The following FSD2 variants were observed in gnomAD, a reference collection of about 807,000 sequenced individuals.
FSD2 encodes fibronectin type III and SPRY domain-containing protein 2.
A neutral mutation model predicts 80.4 loss-of-function variants in FSD2; 71 were observed. The ratio of observed to expected loss-of-function variants is 0.88; its 90% CI spans 0.73 to 1.08. FSD2 has a LOEUF of 1.08. Among genes scored for constraint, FSD2 ranks in the 50% least tolerant of loss-of-function variants. The pLI is 0.00. For missense variants in FSD2, 923 were observed against 913.8 expected, an observed-to-expected ratio of 1.01 and a Z score of -0.13; for synonymous variants, 361 against 329.5, an observed-to-expected ratio of 1.10 and a Z score of -1.03.
At chr15:82,802,976 G>A (rs1566985479) in intron 1 of FSD2, among the ~76,000 whole-genome samples, 1 of 152,118 alleles carries the variant, frequency 6.6e-6, no homozygotes, top group Admixed American at 6.5e-5. Context: ...GGGTTGGTGA[G>A]GTGTGAATTC....
rs754346462 is a variant in FSD2 at position 82,765,279 on chromosome 15, G to T, written c.1707C>A (p.Asn569Lys). Residue 569 changes from asparagine to lysine, a missense_variant, in exon 11 of 13, where the codon AAC becomes AAA. Coordinates refer to ENST00000334574, the MANE Select transcript of FSD2 (RefSeq NM_001007122.4). ...TCAGCCAGGGATGGCAAGTGTCCTT[G>T]TTTAGGCGAAAGTAGCTTCCTGTGG... ...VHTIGSYFRL[N>K]KDTCHPWLTI... The T allele has an allele frequency of 4.4e-5, 71 of 1,613,134 alleles. No homozygotes were observed. The Admixed American group carries it at 1.2e-3, about 27-fold the overall frequency.
intron 4 of FSD2, among the ~76,000 whole-genome samples, chr15:82,782,104 T>TAATAATAATAAAAAAAAA (rs749972634): frequency 8.4e-6 from 1 of 118,906 alleles, no homozygotes; most frequent in African/African-American, 3.1e-5. Flanking sequence ...ATAATAATAA[T>TAATAATAATAAAAAAAAA]AAAACTCTTG....
intron 1 of FSD2, among the ~76,000 whole-genome samples, chr15:82,800,815 C>G (rs2050395663): frequency 6.6e-6 from 1 of 151,366 alleles, no homozygotes; most frequent in Non-Finnish European, 1.5e-5. Flanking sequence ...TTTCGGGGGT[C>G]TAGGGACTTC....
At position 82,762,188 on chromosome 15, in the gene FSD2, A is replaced by G; in HGVS notation, c.1911T>C (p.Gly637=). Residue 637 remains glycine, a synonymous_variant, in exon 12 of 13, where the codon GGT becomes GGC. Transcript: ENST00000334574. The part of the protein sequence containing the change: ...EVDEHLDYRV[G]VAFADVRKQE... ...GTTTACGGACATCTGCAAAGGCCAC[A>G]CCAACTCTGTAGTCCAAATGCTCAT... 1 of 1,613,816 alleles carries G rather than the reference A, an allele frequency of 6.2e-7. No homozygotes were observed. The highest frequency in any genetic ancestry group is 8.5e-7 in the Non-Finnish European group (1 of 1,179,812).
intron 11 of FSD2, among the ~76,000 whole-genome samples, chr15:82,762,582 A>G (rs2049317621): frequency 6.6e-6 from 1 of 152,232 alleles, no homozygotes; most frequent in African/African-American, 2.4e-5. Flanking sequence ...TCACTTGTTC[A>G]TAAAAAAAGA....
intron 1 of FSD2, among the ~76,000 whole-genome samples, chr15:82,797,341 G>A (rs2050300455): frequency 4.6e-5 from 7 of 152,202 alleles, no homozygotes; most frequent in Admixed American, 4.6e-4. Context: ...TGATTACGTA[G>A]CTAAGCAAGG....
Position 82,768,252 on chromosome 15 carries a change from C to T in FSD2, c.1553+628G>A, listed in dbSNP as rs1043591237. On this transcript the variant is annotated intron_variant, in intron 9 of 12. Transcript: ENST00000334574. Reference sequence around the variant, plus strand: ...TTCTAGCTAGGTGGGTCTTTTAGTTCCTCCAGCAGCTCACTCCTGCCCCAG... The same window carrying T: ...TTCTAGCTAGGTGGGTCTTTTAGTTTCTCCAGCAGCTCACTCCTGCCCCAG... 3.9e-5 allele frequency among the ~76,000 whole-genome samples: 6 copies of T among 152,318 alleles called. 1 individual carries two copies. In the South Asian group the frequency reaches 1.2e-3, roughly 32 times the overall value.
At chr15:82,800,553 G>C (rs1361238315) in intron 1 of FSD2, among the ~76,000 whole-genome samples, 2 of 151,802 alleles carry the variant, frequency 1.3e-5, no homozygotes, top group African/African-American at 4.8e-5. Context: ...TTAGCTGGGC[G>C]TCGTGGTGGG....
chr15:82,770,496 C>T (rs956283199), intron 7 of FSD2, among the ~76,000 whole-genome samples: 1 of 152,146 alleles, frequency 6.6e-6, no homozygotes, highest in Non-Finnish European at 1.5e-5. Flanking sequence ...ACAGTGAAAC[C>T]TCATCTCTAC....
Position 82,765,944 on chromosome 15 carries a change from CA to C in FSD2, c.1640del (p.Met547ArgfsTer6), listed in dbSNP as rs781289235. 1.1e-5 allele frequency: 18 copies of C among 1,609,214 alleles called. No homozygotes were observed. The East Asian group carries it at 4.0e-4, about 36-fold the overall frequency. On this transcript the variant is annotated frameshift_variant, in exon 10 of 13. Coordinates refer to ENST00000334574, the MANE Select transcript of FSD2 (RefSeq NM_001007122.4). LOFTEE classifies it high-confidence loss of function. ...SYIIYVRALN[M>X]GGPSVRSEPA... ...GCTCGCTCCTCACGCTGGGGCCCCCCATATTGAGGGCTCGCACATAGATAAT... is the reference window on the plus strand; with the variant it reads ...GCTCGCTCCTCACGCTGGGGCCCCCCTATTGAGGGCTCGCACATAGATAAT...
intron 6 of FSD2, among the ~76,000 whole-genome samples, chr15:82,775,271 G>A (rs1045023612): frequency 2.6e-5 from 4 of 151,778 alleles, no homozygotes; most frequent in Non-Finnish European, 5.9e-5. Context: ...GGTAGCGGGT[G>A]CCTGTAATCC....
Position 82,787,007 on chromosome 15 carries a change from C to T in FSD2, c.384G>A (p.Glu128=). 1 of 1,614,012 alleles carries T rather than the reference C, an allele frequency of 6.2e-7. No homozygotes were observed. ...ACCCTCCGAAGCCCAGGTCCTCGGC[C>T]TCCGCTGCCTCTCCACTAAGTCTCC... ...RDWRLSGEAA[E]AEDLGFGGWG... is the part of the protein sequence containing the mutation. Residue 128 remains glutamate, a synonymous_variant, in exon 2 of 13, where the codon GAG becomes GAA. Transcript: ENST00000334574.
chr15:82,789,650 T>G (rs1271464029), intron 1 of FSD2, among the ~76,000 whole-genome samples: 4 of 152,022 alleles, frequency 2.6e-5, no homozygotes, highest in Non-Finnish European at 5.9e-5. Context: ...CTACAGGGAG[T>G]GTAATTGACT....
intron 9 of FSD2, among the ~76,000 whole-genome samples, chr15:82,767,519 C>T (rs1015499051): frequency 2.0e-5 from 3 of 152,180 alleles, no homozygotes; most frequent in Non-Finnish European, 4.4e-5. Flanking sequence ...AGCAATGGGT[C>T]GCCATGATTG....
At chr15:82,785,560 G>A (rs1596251442) in intron 3 of FSD2, among the ~76,000 whole-genome samples, 1 of 152,062 alleles carries the variant, frequency 6.6e-6, no homozygotes, top group African/African-American at 2.4e-5. Flanking sequence ...CTAACCTCAG[G>A]TGATCCACCC....
chr15:82,765,939 C>G lies in FSD2; in HGVS notation c.1646G>C (p.Gly549Ala). 6.2e-7 allele frequency: 1 copy of G among 1,609,372 alleles called. No individual in the cohort carries two copies. Among genetic ancestry groups the G allele is most frequent in the Non-Finnish European group, 8.5e-7 (1 of 1,178,584 alleles). The change falls in exon 10 of 13, where the codon GGC becomes GCC. Residue 549 changes from glycine to alanine, a missense_variant. Physicochemically the swap from Gly to Ala is moderately conservative, Grantham distance 60. Coordinates refer to ENST00000334574, the MANE Select transcript of FSD2 (RefSeq NM_001007122.4). ...IIYVRALNMG[G>A]PSVRSEPATV... ...AGCTGGCTCGCTCCTCACGCTGGGGCCCCCCATATTGAGGGCTCGCACATA... is the reference window on the plus strand; with the variant it reads ...AGCTGGCTCGCTCCTCACGCTGGGGGCCCCCATATTGAGGGCTCGCACATA...
chr15:82,790,645 G>T (rs1052959611), intron 1 of FSD2, among the ~76,000 whole-genome samples: 3 of 150,842 alleles, frequency 2.0e-5, no homozygotes, highest in African/African-American at 7.3e-5. Flanking sequence ...GCGCGATCTC[G>T]GCTCACTGCA....
intron 12 of FSD2, among the ~76,000 whole-genome samples, chr15:82,760,579 C>T (rs541382015): frequency 1.3e-5 from 1 of 78,748 alleles, no homozygotes; most frequent in East Asian, 3.8e-4. Flanking sequence ...TTTAACTAAG[C>T]AGCTGCCAGA....
At chr15:82,773,786 T>G (rs1596239414) in intron 6 of FSD2, among the ~76,000 whole-genome samples, 1 of 152,132 alleles carries the variant, frequency 6.6e-6, no homozygotes, top group Admixed American at 6.5e-5. Context: ...ATCCAACAAT[T>G]GAGGATTAAA....
Sources: allele counts gnomAD v4.1 joint callset (sites outside exome capture counted in the v4.1 genomes callset), GRCh38; gene constraint gnomAD v4.1.1; transcripts MANE v1.5; gene names NCBI Gene and HGNC (gene_info 2026-07-23, HGNC 2026-07-21).